Variants in CAMTA1 observed in about 807,000 individuals in gnomAD.
CAMTA1 encodes calmodulin-binding transcription activator 1.
CAMTA1 carries 27 observed loss-of-function variants against 170.9 expected under a neutral mutation model. That is an observed-to-expected ratio of 0.16 (90% CI 0.12 to 0.22). The LOEUF (loss-of-function observed/expected upper bound fraction) is 0.22, where lower values mean the gene tolerates loss of function less well. Among genes scored for constraint, CAMTA1 ranks in the 10% least tolerant of loss-of-function variants. CAMTA1 has a pLI of 1.00. For missense variants in CAMTA1, 1,619 were observed against 2,217.2 expected, an observed-to-expected ratio of 0.73 and a Z score of 5.42; for synonymous variants, 833 against 891.5, an observed-to-expected ratio of 0.93 and a Z score of 1.17.
chr1:7,172,635 G>C (rs1649896774), intron 4 of CAMTA1, among the ~76,000 whole-genome samples: 2 of 152,222 alleles, frequency 1.3e-5, no homozygotes, highest in African/African-American at 4.8e-5. Context: ...CCAGCCTGGG[G>C]ATGCTCTGTG....
chr1:7,635,882 A>G lies in CAMTA1; in HGVS notation c.511-4518A>G, dbSNP rs1043599924. 2.6e-5 allele frequency among the ~76,000 whole-genome samples: 4 copies of G among 152,238 alleles called. No individual in the cohort carries two copies. Among genetic ancestry groups the G allele is most frequent in the African/African-American group, 7.2e-5 (3 of 41,454 alleles). Reference sequence around the variant, plus strand: ...AATGAATAAAATTGCAACATTGCCAAGAAGCGATGTGTGCCCCAAATTTCC... The same window carrying G: ...AATGAATAAAATTGCAACATTGCCAGGAAGCGATGTGTGCCCCAAATTTCC... On this transcript the variant is annotated intron_variant, in intron 6 of 22. Transcript: ENST00000303635. The surrounding 1 kb of genome is among the most constrained non-coding windows in gnomAD (Gnocchi z 4.4).
At chr1:7,118,111 C>T (rs1045378394) in intron 4 of CAMTA1, among the ~76,000 whole-genome samples, 1 of 152,082 alleles carries the variant, frequency 6.6e-6, no homozygotes, top group African/African-American at 2.4e-5. Flanking sequence ...TCGCTCAAAT[C>T]CTCATGCCTG....
intron 3 of CAMTA1, among the ~76,000 whole-genome samples, chr1:6,878,805 A>C (rs890221340): frequency 1.3e-5 from 2 of 152,182 alleles, no homozygotes; most frequent in Admixed American, 6.5e-5. Context: ...CATAACCCCC[A>C]GTTTCTTACC....
At chr1:7,314,304 G>A (rs1677170097) in intron 5 of CAMTA1, among the ~76,000 whole-genome samples, 1 of 152,168 alleles carries the variant, frequency 6.6e-6, no homozygotes. Flanking sequence ...AGTTCTGGGT[G>A]AGCACACCCT....
chr1:7,289,634 T>G (rs570332197), intron 5 of CAMTA1, among the ~76,000 whole-genome samples: 1 of 152,336 alleles, frequency 6.6e-6, no homozygotes, highest in Admixed American at 6.5e-5. Context: ...GCAGATCTAA[T>G]TAATCATATT....
intron 3 of CAMTA1, among the ~76,000 whole-genome samples, chr1:6,928,329 G>C (rs1683727838): frequency 6.6e-6 from 1 of 152,182 alleles, no homozygotes; most frequent in Non-Finnish European, 1.5e-5. Flanking sequence ...AAAGGGCAGG[G>C]AGCTCCCCAA....
At chr1:7,194,653 GC>G (rs1435210233) in intron 4 of CAMTA1, among the ~76,000 whole-genome samples, 2 of 152,162 alleles carry the variant, frequency 1.3e-5, no homozygotes, top group Admixed American at 6.5e-5. Flanking sequence ...CCTGAAAATA[GC>G]CCTTTATTTG....
At chr1:7,404,253 G>A (rs1309299482) in intron 5 of CAMTA1, among the ~76,000 whole-genome samples, 2 of 152,120 alleles carry the variant, frequency 1.3e-5, no homozygotes, top group East Asian at 3.9e-4. Context: ...CCTCTTTCTG[G>A]GGTTGGCGCC....
chr1:7,686,153 G>A (rs568095354), intron 11 of CAMTA1, among the ~76,000 whole-genome samples: 36 of 152,316 alleles, frequency 2.4e-4, no homozygotes, highest in African/African-American at 8.4e-4. Flanking sequence ...GCCAGGCACT[G>A]TTCTGGGCTC....
intron 6 of CAMTA1, among the ~76,000 whole-genome samples, chr1:7,499,440 A>ATGTG (rs36211725): frequency 0.074 from 1,284 of 17,370 alleles, 217 homozygotes; most frequent in African/African-American, 0.36. Flanking sequence ...CCTGGTGTGC[A>ATGTG]TATGTATATG....
At chr1:6,791,377 C>T (rs1641061943) in intron 1 of CAMTA1, among the ~76,000 whole-genome samples, 2 of 152,260 alleles carry the variant, frequency 1.3e-5, no homozygotes, top group African/African-American at 2.4e-5. Context: ...AGATTTAAGC[C>T]AGAAGGCCGC....
At chr1:7,476,402 G>A (rs1251952307) in intron 6 of CAMTA1, among the ~76,000 whole-genome samples, 2 of 152,192 alleles carry the variant, frequency 1.3e-5, no homozygotes, top group Non-Finnish European at 2.9e-5. Context: ...GGGCGGTCAG[G>A]GGAGGCTTCC....
chr1:7,596,915 ATGAGCAGAAC>A (rs981944321), intron 6 of CAMTA1, among the ~76,000 whole-genome samples: 1 of 149,142 alleles, frequency 6.7e-6, no homozygotes, highest in South Asian at 2.1e-4. Flanking sequence ...AACTCCTAGC[ATGAGCAGAAC>A]TGATGCCCTT....
At chr1:7,026,556 TA>T (rs1702046191) in intron 3 of CAMTA1, among the ~76,000 whole-genome samples, 1 of 151,178 alleles carries the variant, frequency 6.6e-6, no homozygotes, top group Non-Finnish European at 1.5e-5. Context: ...GGCTTTCCAA[TA>T]ACAGGAAGAT....
At chr1:6,786,535 GTTC>G (rs1034673747) in intron 1 of CAMTA1, among the ~76,000 whole-genome samples, 2 of 152,190 alleles carry the variant, frequency 1.3e-5, no homozygotes, top group African/African-American at 4.8e-5. Flanking sequence ...GGCTGCCCAT[GTTC>G]TTCTTTCCTC....
rs34745856 is a variant in CAMTA1, at chr1:6,880,383, G to GTTTTT, written c.234+55193_234+55197dup. Among the ~76,000 whole-genome samples, 115 of 67,198 alleles carry GTTTTT rather than the reference G, an allele frequency of 1.7e-3. 1 individual carries two copies. The highest frequency in any genetic ancestry group is 2.5e-3 in the South Asian group (4 of 1,576). 44.1% of individuals were successfully genotyped at this position (67,198 alleles called of 152,430 possible). A position where few individuals can be genotyped will look rare whatever the true frequency, so the allele number is the denominator to read the frequency against. On this transcript the variant is annotated intron_variant, in intron 3 of 22. Coordinates refer to ENST00000303635, the MANE Select transcript of CAMTA1 (RefSeq NM_015215.4). ...GCCACCAGGCCCAGCCTCTAAAAGT[G>GTTTTT]TTTTTTTTTTTTTTTTTTTTTTTTG...
chr1:6,868,701 A>G (rs561698405), intron 3 of CAMTA1, among the ~76,000 whole-genome samples: 7 of 152,318 alleles, frequency 4.6e-5, no homozygotes, highest in African/African-American at 1.2e-4. Flanking sequence ...TGGAAAAGGT[A>G]TCCCTATAAA....
chr1:7,202,214 T>C, intron 4 of CAMTA1, among the ~76,000 whole-genome samples: 1 of 152,240 alleles, frequency 6.6e-6, no homozygotes, highest in East Asian at 1.9e-4. Flanking sequence ...ATGGGTTTAT[T>C]TCTAGGCTGT....
At chr1:7,498,272 G>A (rs2093870631) in intron 6 of CAMTA1, among the ~76,000 whole-genome samples, 1 of 150,228 alleles carries the variant, frequency 6.7e-6, no homozygotes, top group African/African-American at 2.4e-5. Flanking sequence ...GAGAGCGTGT[G>A]TGAGTGTGAG....
Sources: allele counts gnomAD v4.1 joint callset (sites outside exome capture counted in the v4.1 genomes callset), GRCh38; gene constraint gnomAD v4.1.1; non-coding constraint Gnocchi (gnomAD v3.1); transcripts MANE v1.5; gene names NCBI Gene and HGNC (gene_info 2026-07-23, HGNC 2026-07-21).